The following KCNH7 variants were observed in gnomAD, a reference collection of about 807,000 sequenced individuals.
KCNH7 encodes the protein voltage-gated inwardly rectifying potassium channel KCNH7.
KCNH7 carries 49 observed loss-of-function variants against 120.8 expected under a neutral mutation model. The ratio of observed to expected loss-of-function variants is 0.41; its 90% CI spans 0.32 to 0.51. The LOEUF is 0.51. KCNH7 is among the 20% of genes least tolerant of loss of function. The pLI is 0.38. For missense variants in KCNH7, 1,097 were observed against 1,446.6 expected, an observed-to-expected ratio of 0.76 and a Z score of 3.92; for synonymous variants, 547 against 516.1, an observed-to-expected ratio of 1.06 and a Z score of -0.81.
Position 162,734,739 on chromosome 2 carries a change from G to C in KCNH7, c.307+101798C>G, listed in dbSNP as rs145666219. Among the ~76,000 whole-genome samples the C allele has an allele frequency of 6.0e-4, 91 of 151,924 alleles. 1 individual carries two copies. Among genetic ancestry groups the C allele is most frequent in the African/African-American group, 2.2e-3 (90 of 41,418 alleles). On this transcript the variant is annotated intron_variant, in intron 2 of 15. Transcript: ENST00000332142. ...AAAACCATGGCTTTAAATATTAAAAGCCAGAGCTCAGTAGGACTCAATACA... is the reference window on the plus strand; with the variant it reads ...AAAACCATGGCTTTAAATATTAAAACCCAGAGCTCAGTAGGACTCAATACA...
intron 6 of KCNH7, among the ~76,000 whole-genome samples, chr2:162,481,125 AT>A (rs1409080473): frequency 2.6e-5 from 4 of 152,094 alleles, no homozygotes; most frequent in African/African-American, 9.7e-5. Flanking sequence ...ACCAGTATAA[AT>A]TTTGTCACAC....
intron 7 of KCNH7, 78 bp downstream of exon 7, chr2:162,445,940 T>A: frequency 1.8e-6 from 2 of 1,125,706 alleles, no homozygotes; most frequent in Non-Finnish European, 2.5e-6. Context: ...GCAAAGCAAC[T>A]CTTCTTTTTG....
intron 2 of KCNH7, among the ~76,000 whole-genome samples, chr2:162,547,940 T>C (rs912281870): frequency 1.3e-5 from 2 of 152,144 alleles, no homozygotes; most frequent in African/African-American, 4.8e-5. Context: ...GGGGTAAAGA[T>C]TAGGCTCTTT....
At chr2:162,782,664 G>A (rs1683543610) in intron 2 of KCNH7, among the ~76,000 whole-genome samples, 1 of 152,196 alleles carries the variant, frequency 6.6e-6, no homozygotes, top group Non-Finnish European at 1.5e-5. Context: ...GAGATTTAAT[G>A]AAGAAGAGAA....
chr2:162,711,465 C>T lies in KCNH7; in HGVS notation c.307+125072G>A, dbSNP rs116621630. 2.5e-3 allele frequency among the ~76,000 whole-genome samples: 380 copies of T among 152,336 alleles called. 1 individual carries two copies. The highest frequency in any genetic ancestry group is 8.6e-3 in the African/African-American group (358 of 41,580). ...TTATACATTTGAAAGACTTCTGCAA[C>T]GTGCGTTGCTCAACAAAAATCGCAA... On this transcript the variant is annotated intron_variant, in intron 2 of 15. Coordinates refer to ENST00000332142, the MANE Select transcript of KCNH7 (RefSeq NM_033272.4).
At chr2:162,577,208 A>C (rs1693699320) in intron 2 of KCNH7, among the ~76,000 whole-genome samples, 1 of 151,884 alleles carries the variant, frequency 6.6e-6, no homozygotes, top group Admixed American at 6.6e-5. Context: ...GCATGAGTCA[A>C]CACACCCAGC....
At chr2:162,716,637 G>A (rs1463754170) in intron 2 of KCNH7, among the ~76,000 whole-genome samples, 1 of 152,098 alleles carries the variant, frequency 6.6e-6, no homozygotes, top group Non-Finnish European at 1.5e-5. Flanking sequence ...CTCAATAAGT[G>A]AAGATATCAT....
At chr2:162,639,694 C>T (rs540774084) in intron 2 of KCNH7, among the ~76,000 whole-genome samples, 1 of 152,242 alleles carries the variant, frequency 6.6e-6, no homozygotes, top group Non-Finnish European at 1.5e-5. Flanking sequence ...TCTCACAACT[C>T]TTATTGAACA....
intron 2 of KCNH7, among the ~76,000 whole-genome samples, chr2:162,777,538 GA>G (rs1350931550): frequency 6.6e-6 from 1 of 152,088 alleles, no homozygotes; most frequent in Non-Finnish European, 1.5e-5. Flanking sequence ...AGTAAATATT[GA>G]AGTTGAGGAG....
chr2:162,532,684 G>C (rs560554531), intron 3 of KCNH7, among the ~76,000 whole-genome samples: 5 of 151,942 alleles, frequency 3.3e-5, no homozygotes, highest in Admixed American at 6.6e-5. Flanking sequence ...AGCTGTGTTT[G>C]GGGAATCTCT....
intron 6 of KCNH7, among the ~76,000 whole-genome samples, chr2:162,495,271 T>A (rs1269779625): frequency 1.3e-5 from 2 of 152,156 alleles, no homozygotes; most frequent in Non-Finnish European, 2.9e-5. Flanking sequence ...AACTTTGGCC[T>A]CATACCTTGT....
chr2:162,742,082 A>G (rs1202470634), intron 2 of KCNH7, among the ~76,000 whole-genome samples: 1 of 152,180 alleles, frequency 6.6e-6, no homozygotes, highest in Non-Finnish European at 1.5e-5. Context: ...TAAGACATCA[A>G]AAGTTCTGCA....
chr2:162,572,924 C>A (rs554514411), intron 2 of KCNH7, among the ~76,000 whole-genome samples: 2 of 152,080 alleles, frequency 1.3e-5, no homozygotes, highest in Non-Finnish European at 2.9e-5. Context: ...GGAGGGATAG[C>A]ATTGGGAGAT....
intron 2 of KCNH7, among the ~76,000 whole-genome samples, chr2:162,734,866 G>A (rs71424752): frequency 0.02 from 3,026 of 152,268 alleles, 66 homozygotes; most frequent in East Asian, 0.11. Context: ...GGACTGGAGA[G>A]AGTGGTGTTA....
chr2:162,759,865 C>T (rs955978614), intron 2 of KCNH7, among the ~76,000 whole-genome samples: 1 of 152,084 alleles, frequency 6.6e-6, no homozygotes, highest in African/African-American at 2.4e-5. Context: ...GTATTTGCTT[C>T]CACTAATTGT....
At chr2:162,688,421 G>C (rs1685974628) in intron 2 of KCNH7, among the ~76,000 whole-genome samples, 2 of 151,966 alleles carry the variant, frequency 1.3e-5, no homozygotes, top group African/African-American at 4.8e-5. Flanking sequence ...GTCACTCCCA[G>C]TTGGGCGCTA....
intron 2 of KCNH7, among the ~76,000 whole-genome samples, chr2:162,548,793 G>A (rs978196335): frequency 6.6e-6 from 1 of 152,166 alleles, no homozygotes; most frequent in African/African-American, 2.4e-5. Flanking sequence ...ATATGATAGT[G>A]TTACCCACTT....
At chr2:162,533,327 TA>T (rs1179164193) in intron 3 of KCNH7, among the ~76,000 whole-genome samples, 27 of 151,862 alleles carry the variant, frequency 1.8e-4, no homozygotes, top group African/African-American at 6.3e-4. Context: ...GTTGCGTCAA[TA>T]AATGTAAATA....
At chr2:162,586,412 A>G (rs1694022305) in intron 2 of KCNH7, among the ~76,000 whole-genome samples, 1 of 152,040 alleles carries the variant, frequency 6.6e-6, no homozygotes, top group Non-Finnish European at 1.5e-5. Flanking sequence ...CATCCCAGCC[A>G]TCCCAGGTGA....
Sources: gnomAD v4.1 joint callset for allele counts (sites outside exome capture counted in the v4.1 genomes callset) on GRCh38, gnomAD v4.1.1 for gene constraint, MANE v1.5 for transcripts, NCBI Gene and HGNC (gene_info 2026-07-23, HGNC 2026-07-21) for gene names.